The following MRE11 variants were observed in gnomAD, a reference collection of about 807,000 sequenced individuals.
The protein encoded by MRE11 is MRE11 double strand break repair nuclease, also known as double-strand break repair protein MRE11.
Under a neutral mutation model 91.7 loss-of-function variants are expected in MRE11, and 62 were observed. That is an observed-to-expected ratio of 0.68 (90% CI 0.55 to 0.84). The LOEUF is 0.84. Ranked by LOEUF, MRE11 falls within the 40% of genes least tolerant of loss-of-function variation. The pLI is 0.00. For synonymous variants in MRE11, 273 were observed against 271.4 expected (o/e 1.01, Z -0.06); for missense variants, 796 against 852.9 (o/e 0.93, Z 0.83).
chr11:94,505,971 A>G, the MRE11 span, among the ~76,000 whole-genome samples: 9 of 152,262 alleles, frequency 5.9e-5, no homozygotes, highest in Non-Finnish European at 1.2e-4. Flanking sequence ...AATAGGCTAT[A>G]CCAAGTAGCC....
At chr11:94,486,681 G>A (rs899586837) in intron 3 of MRE11, among the ~76,000 whole-genome samples, 8 of 152,132 alleles carry the variant, frequency 5.3e-5, no homozygotes, top group African/African-American at 1.2e-4. Context: ...GAATGGACAC[G>A]TAAGCAACCA....
intron 7 of MRE11, among the ~76,000 whole-genome samples, chr11:94,473,888 T>A (rs1946779989): frequency 6.6e-6 from 1 of 152,080 alleles, no homozygotes; most frequent in African/African-American, 2.4e-5. Context: ...TATATATTTA[T>A]AATATGATCC....
rs189346704 is a variant in MRE11 at position 94,440,276 on chromosome 11, A to G, written c.1868-3041T>C. ...TCTGTAAAACTTTTAAGGCATCATA[A>G]CTGGTCTCCAGTCTTTCTACACAAA... On this transcript the variant is annotated intron_variant, in intron 16 of 19. Transcript: ENST00000323929. Among the ~76,000 whole-genome samples, 157 of 152,320 alleles carry G rather than the reference A, an allele frequency of 1.0e-3. 1 individual carries two copies. The highest frequency in any genetic ancestry group is 3.6e-3 in the African/African-American group (149 of 41,568).
Position 94,471,482 on chromosome 11 carries a change from C to T in MRE11, c.845+92G>A, listed in dbSNP as rs568487903. ...TATAAATGACAATACTGCCAGTTAG[C>T]GGTAACCTTAACATAGGCCTTAAAC... On this transcript the variant is annotated intron_variant, in intron 8 of 19. Transcript: ENST00000323929. 1.7e-4 allele frequency: 199 copies of T among 1,172,290 alleles called. No individual in the cohort carries two copies. The African/African-American group carries it at 2.4e-3, about 14-fold the overall frequency. The allele number at this position is 1,172,290 out of a possible 1,614,324, so 72.6% of individuals were successfully genotyped here.
upstream of MRE11, chr11:94,497,219 G>C: frequency 3.8e-6 from 2 of 532,374 alleles, no homozygotes; most frequent in South Asian, 3.2e-5. Context: ...ATTTAGGAAA[G>C]AGAGGATGGA....
chr11:94,483,413 G>T (rs946287772), intron 4 of MRE11, among the ~76,000 whole-genome samples: 10 of 152,134 alleles, frequency 6.6e-5, no homozygotes, highest in African/African-American at 2.4e-4. Context: ...TTATGGGAGG[G>T]GCCTCGTGGG....
chr11:94,416,623 A>C lies in MRE11; in HGVS notation c.*3502T>G, dbSNP rs1367176070. The C allele has an allele frequency of 6.6e-6, 1 of 151,358 alleles. No individual in the cohort carries two copies. The highest frequency in any genetic ancestry group is 1.5e-5 in the Non-Finnish European group (1 of 67,916). 9.4% of individuals were successfully genotyped at this position (151,358 alleles called of 1,614,324 possible). On this transcript the variant is annotated 3_prime_UTR_variant, in exon 20 of 20. Transcript: ENST00000323929. The stretch of plus-strand genomic sequence containing the variant: ...CACTTTGGGAGGCTGAGGTGGGTGG[A>C]TCACAAGGTCAGGAGATCGAGACCA...
At chr11:94,498,826 A>G, upstream of MRE11, 1 of 339,560 alleles carries the variant, frequency 2.9e-6, no homozygotes, top group Non-Finnish European at 5.4e-6. Flanking sequence ...TTTGGTGCTG[A>G]TACAAGAGAA....
chr11:94,418,437 G>C lies in MRE11; in HGVS notation c.*1688C>G, dbSNP rs1294656024. ...TCCTTTTTTCCTAGGAACTTGTCAGGATACTTTAGTGACCATTCCCTCACT... is the reference window on the plus strand; with the variant it reads ...TCCTTTTTTCCTAGGAACTTGTCAGCATACTTTAGTGACCATTCCCTCACT... On this transcript the variant is annotated 3_prime_UTR_variant, in exon 20 of 20. Coordinates refer to ENST00000323929, the MANE Select transcript of MRE11 (RefSeq NM_005591.4). The C allele has an allele frequency of 4.3e-6, 1 of 231,950 alleles. No homozygotes were observed. The allele number at this position is 231,950 out of a possible 1,614,324, so 14.4% of individuals were successfully genotyped here. A position where few individuals can be genotyped will look rare whatever the true frequency, so the allele number is the denominator to read the frequency against.
At chr11:94,481,143 T>C (rs1947002221) in intron 4 of MRE11, among the ~76,000 whole-genome samples, 1 of 152,082 alleles carries the variant, frequency 6.6e-6, no homozygotes, top group Non-Finnish European at 1.5e-5. Context: ...ACCCTGTCTC[T>C]ACTAAAAACA....
In MRE11 at chr11:94,419,228, T is replaced by C. The variant is rs966329683; in HGVS notation, c.*897A>G. 15 of 232,860 alleles carry C rather than the reference T, an allele frequency of 6.4e-5. No homozygotes were observed. Among genetic ancestry groups the C allele is most frequent in the South Asian group, 1.8e-4 (1 of 5,524 alleles). The allele number at this position is 232,860 out of a possible 1,614,324, so 14.4% of individuals were successfully genotyped here. On this transcript the variant is annotated 3_prime_UTR_variant, in exon 20 of 20. Transcript: ENST00000323929. ...CAGAAATGTATCACAGGAACCAAAGTTGAGATAAAATATTGTTAATGAGAA... is the reference window on the plus strand; with the variant it reads ...CAGAAATGTATCACAGGAACCAAAGCTGAGATAAAATATTGTTAATGAGAA...
intron 18 of MRE11, among the ~76,000 whole-genome samples, chr11:94,432,390 A>T (rs1320718641): frequency 2.0e-5 from 3 of 152,182 alleles, no homozygotes; most frequent in Non-Finnish European, 4.4e-5. Flanking sequence ...GTAAGGTTAA[A>T]ACTGCAGGCT....
intron 9 of MRE11, among the ~76,000 whole-genome samples, chr11:94,470,196 G>A (rs867296470): frequency 6.6e-6 from 1 of 151,850 alleles, no homozygotes; most frequent in Non-Finnish European, 1.5e-5. Flanking sequence ...GGATTAAAAA[G>A]GAGAAAAGAT....
the MRE11 span, among the ~76,000 whole-genome samples, chr11:94,501,233 AT>A: frequency 6.6e-6 from 1 of 152,176 alleles, no homozygotes; most frequent in African/African-American, 2.4e-5. Context: ...AAACTCCAAA[AT>A]TTTACTTCTC....
chr11:94,415,713 T>C lies in MRE11; in HGVS notation c.*4412A>G, dbSNP rs1032432533. On this transcript the variant is annotated 3_prime_UTR_variant, in exon 20 of 20. Coordinates refer to ENST00000323929, the MANE Select transcript of MRE11 (RefSeq NM_005591.4). ...TTAATTAAGAGGTTGATAAAGCATA[T>C]GTAGAAAAGTCAGAATGTCAAAATA... The C allele has an allele frequency of 1.3e-5, 2 of 152,158 alleles. No homozygotes were observed. Among genetic ancestry groups the C allele is most frequent in the Non-Finnish European group, 2.9e-5 (2 of 68,042 alleles). The allele number at this position is 152,158 out of a possible 1,614,324, so 9.4% of individuals were successfully genotyped here.
At position 94,479,669 on chromosome 11, in the gene MRE11, AT is replaced by A. The variant is rs752304075; in HGVS notation, c.402+4del. 6.2e-7 allele frequency: 1 copy of A among 1,609,822 alleles called. No homozygotes were observed. Among genetic ancestry groups the A allele is most frequent in the South Asian group, 1.1e-5 (1 of 90,992 alleles). On this transcript the variant is annotated splice_donor_region_variant and intron_variant, in intron 5 of 19. Transcript: ENST00000323929. ...TCCAACAAACTCTAAGAAAACAATA[AT>A]TACCCCTGTGGGATCGTCATGATTG... is the stretch of plus-strand genomic sequence containing the variant.
At chr11:94,508,400 CTT>C in the MRE11 span, among the ~76,000 whole-genome samples, 3 of 152,118 alleles carry the variant, frequency 2.0e-5, no homozygotes, top group Non-Finnish European at 4.4e-5. Context: ...ACTCTAGAAG[CTT>C]TTGTGTTTTA....
At position 94,486,026 on chromosome 11, in the gene MRE11, G is replaced by A. The variant is rs1947134384; in HGVS notation, c.212C>T (p.Thr71Ile). Residue 71 changes from threonine to isoleucine, a missense_variant, in exon 4 of 20, where the codon ACA becomes ATA. Thr to Ile is a moderately conservative substitution (Grantham distance 89). Coordinates refer to ENST00000323929, the MANE Select transcript of MRE11 (RefSeq NM_005591.4). ...LFHENKPSRK[T>I]LHTCLELLRK... ...TAATAACTCGAGGCAGGTATGTAAT[G>A]TTTTCCTTGAGGGCTTATTTTCATG... is the stretch of plus-strand genomic sequence containing the variant. The A allele has an allele frequency of 1.2e-6, 2 of 1,613,628 alleles. No homozygotes were observed. Among genetic ancestry groups the A allele is most frequent in the Admixed American group, 3.3e-5 (2 of 59,966 alleles).
chr11:94,497,026 C>T (rs757983365), upstream of MRE11: 1 of 1,576,922 alleles, frequency 6.3e-7, no homozygotes, highest in East Asian at 2.2e-5. Flanking sequence ...CCTGCCTTTA[C>T]TGTTATGGCC....
Sources: gnomAD v4.1 joint callset for allele counts (sites outside exome capture counted in the v4.1 genomes callset) on GRCh38, gnomAD v4.1.1 for gene constraint, MANE v1.5 for transcripts, NCBI Gene and HGNC (gene_info 2026-07-23, HGNC 2026-07-21) for gene names.